The following SLC35E2B variants were observed in gnomAD, a reference collection of about 807,000 sequenced individuals.
SLC35E2B encodes solute carrier family 35, member E2B.
SLC35E2B carries 18 observed loss-of-function variants against 32.4 expected under a neutral mutation model. The ratio of observed to expected loss-of-function variants is 0.56; its 90% confidence interval spans 0.38 to 0.82. The LOEUF (loss-of-function observed/expected upper bound fraction) is 0.82, where lower values mean the gene tolerates loss of function less well. Among genes scored for constraint, SLC35E2B ranks in the 40% least tolerant of loss-of-function variants. The pLI is 0.00. For synonymous variants in SLC35E2B, 132 were observed against 209.1 expected (o/e 0.63, Z 3.18); for missense variants, 263 against 469.5 (o/e 0.56, Z 4.06).
intron 2 of SLC35E2B, among the ~76,000 whole-genome samples, chr1:1,688,309 G>C (rs1205261720): frequency 6.6e-6 from 1 of 152,046 alleles, no homozygotes; most frequent in African/African-American, 2.4e-5. Flanking sequence ...AAACTACTGA[G>C]TAAAAGCTTA....
chr1:1,664,912 G>C lies in SLC35E2B; in HGVS notation c.*870C>G. On this transcript the variant is annotated 3_prime_UTR_variant, in exon 10 of 10. Transcript: ENST00000617444. The stretch of plus-strand genomic sequence containing the variant: ...ACAGGCTCACCCCACGGGGACCTCA[G>C]AACAGCCTGCCTCATACTCAGAGTC... 5 of 945,862 alleles carry C rather than the reference G, an allele frequency of 5.3e-6. No individual in the cohort carries two copies. The highest frequency in any genetic ancestry group is 6.3e-6 in the Non-Finnish European group (5 of 796,226). The allele number at this position is 945,862 out of a possible 1,614,324, so 58.6% of individuals were successfully genotyped here. A position where few individuals can be genotyped will look rare whatever the true frequency, so the allele number is the denominator to read the frequency against.
intron 9 of SLC35E2B, among the ~76,000 whole-genome samples, chr1:1,666,500 A>G (rs1025116148): frequency 6.6e-6 from 1 of 152,180 alleles, no homozygotes. Context: ...AGCTGGGATC[A>G]TAGGCGTGAG....
chr1:1,682,079 C>G (rs1404238638), intron 2 of SLC35E2B, among the ~76,000 whole-genome samples: 1 of 139,198 alleles, frequency 7.2e-6, no homozygotes, highest in Non-Finnish European at 1.5e-5. Context: ...AGGTTGGTCT[C>G]AATCTCCTGA....
chr1:1,663,865 G>A lies in SLC35E2B; in HGVS notation c.*1917C>T, dbSNP rs1238085091. ...TCGCAGCGCAGTGAGCACACACCTGGCCTGTCCTCCACACACAGGTCAGCG... is the reference window on the plus strand; with the variant it reads ...TCGCAGCGCAGTGAGCACACACCTGACCTGTCCTCCACACACAGGTCAGCG... On this transcript the variant is annotated 3_prime_UTR_variant, in exon 10 of 10. Coordinates refer to ENST00000617444, the MANE Select transcript of SLC35E2B (RefSeq NM_001290264.2). 8 of 894,194 alleles carry A rather than the reference G, an allele frequency of 8.9e-6. No homozygotes were observed. In the Admixed American group the frequency reaches 3.9e-4, roughly 44 times the overall value. The allele number at this position is 894,194 out of a possible 1,614,324, so 55.4% of individuals were successfully genotyped here.
intron 2 of SLC35E2B, among the ~76,000 whole-genome samples, chr1:1,683,338 C>T (rs1056094031): frequency 2.6e-5 from 4 of 152,190 alleles, no homozygotes; most frequent in African/African-American, 4.8e-5. Flanking sequence ...GCCTGTGGGC[C>T]GTGCTTCTGA....
intron 2 of SLC35E2B, among the ~76,000 whole-genome samples, chr1:1,684,099 A>G (rs1387180367): frequency 2.0e-5 from 3 of 152,216 alleles, no homozygotes; most frequent in South Asian, 2.1e-4. Context: ...CGTGGGCCGC[A>G]GGGTAGACAC....
chr1:1,673,432 G>A (rs1316274426), intron 5 of SLC35E2B: 8 of 312,558 alleles, frequency 2.6e-5, no homozygotes, highest in South Asian at 1.3e-4. Context: ...CACTGTGGGA[G>A]GCTGAGGCGG....
intron 8 of SLC35E2B, among the ~76,000 whole-genome samples, chr1:1,669,211 G>A (rs1157437619): frequency 6.6e-6 from 1 of 151,502 alleles, no homozygotes; most frequent in East Asian, 1.9e-4. Context: ...TCTGTGTGGG[G>A]GACTCTAGGG....
Position 1,668,386 on chromosome 1 carries a change from G to C in SLC35E2B, c.921C>G (p.Phe307Leu), listed in dbSNP as rs745984328. The C allele has an allele frequency of 1.2e-6, 2 of 1,613,006 alleles. No homozygotes were observed. Among genetic ancestry groups the C allele is most frequent in the East Asian group, 2.2e-5 (1 of 44,846 alleles). ...VLLLLTDGVLFHLQSVTAYAL... is the reference protein window; with the variant it reads ...VLLLLTDGVLLHLQSVTAYAL... Reference sequence around the variant, plus strand: ...CGTACGCCGTGACGCTCTGAAGGTGGAACAGGACTCCGTCTGTCAGAAGCA... The same window carrying C: ...CGTACGCCGTGACGCTCTGAAGGTGCAACAGGACTCCGTCTGTCAGAAGCA... Residue 307 changes from phenylalanine to leucine, a missense_variant, in exon 9 of 10, where the codon TTC becomes TTG. Phe to Leu is a conservative substitution (Grantham distance 22). Transcript: ENST00000617444.
intron 2 of SLC35E2B, among the ~76,000 whole-genome samples, chr1:1,684,478 G>A (rs985244935): frequency 5.9e-5 from 9 of 152,110 alleles, no homozygotes; most frequent in South Asian, 2.1e-4. Context: ...ATAGGAGGCC[G>A]GGCGCGGGGG....
intron 8 of SLC35E2B, among the ~76,000 whole-genome samples, chr1:1,669,277 T>C (rs1643623191): frequency 6.6e-6 from 1 of 151,806 alleles, no homozygotes; most frequent in Admixed American, 6.6e-5. Flanking sequence ...GAGAATAACT[T>C]GAGCCTGGTA....
At position 1,663,259 on chromosome 1, in the gene SLC35E2B, G is replaced by T; in HGVS notation, c.*2523C>A. ...AATCCAAACAGGATGGCAGCTCCTT[G>T]TGAGGGTGGAGGGGAGGGCACCAGA... is the stretch of plus-strand genomic sequence containing the variant. On this transcript the variant is annotated 3_prime_UTR_variant, in exon 10 of 10. Coordinates refer to ENST00000617444, the MANE Select transcript of SLC35E2B (RefSeq NM_001290264.2). The T allele has an allele frequency of 1.0e-6, 1 of 980,174 alleles. No homozygotes were observed. Among genetic ancestry groups the T allele is most frequent in the African/African-American group, 1.7e-5 (1 of 57,144 alleles). 60.7% of individuals were successfully genotyped at this position (980,174 alleles called of 1,614,324 possible).
chr1:1,668,829 A>G (rs1643611225), intron 8 of SLC35E2B, among the ~76,000 whole-genome samples: 1 of 152,002 alleles, frequency 6.6e-6, no homozygotes, highest in Non-Finnish European at 1.5e-5. Context: ...CGTCTCTGCT[A>G]AAAACATAAA....
intron 2 of SLC35E2B, among the ~76,000 whole-genome samples, chr1:1,678,074 A>G (rs1273348386): frequency 1.3e-5 from 2 of 151,894 alleles, no homozygotes; most frequent in Admixed American, 6.6e-5. Flanking sequence ...AGGGGCGCCC[A>G]TCCTGTCTCA....
intron 2 of SLC35E2B, among the ~76,000 whole-genome samples, chr1:1,681,900 G>C (rs935244785): frequency 4.0e-5 from 6 of 148,570 alleles, no homozygotes; most frequent in South Asian, 4.3e-4. Flanking sequence ...CAGGAGAACG[G>C]TGTGAACCCG....
At chr1:1,688,482 C>T (rs1401186623) in intron 2 of SLC35E2B, among the ~76,000 whole-genome samples, 1 of 151,676 alleles carries the variant, frequency 6.6e-6, no homozygotes, top group Non-Finnish European at 1.5e-5. Context: ...TGCCTGTAAT[C>T]CCAGCTACTC....
chr1:1,666,314 T>A (rs1253852460), intron 9 of SLC35E2B, among the ~76,000 whole-genome samples: 1 of 152,146 alleles, frequency 6.6e-6, no homozygotes, highest in Non-Finnish European at 1.5e-5. Flanking sequence ...CTTTTCATTA[T>A]TAAAAAAGGC....
At chr1:1,687,436 C>G (rs1026895267) in intron 2 of SLC35E2B, among the ~76,000 whole-genome samples, 2 of 151,574 alleles carry the variant, frequency 1.3e-5, no homozygotes, top group Non-Finnish European at 1.5e-5. Context: ...AAATTAGTCT[C>G]TACTAAAAAA....
chr1:1,669,006 A>T (rs1431110430), intron 8 of SLC35E2B, among the ~76,000 whole-genome samples: 8 of 151,758 alleles, frequency 5.3e-5, no homozygotes, highest in Admixed American at 5.3e-4. Context: ...AAAAAAAAAA[A>T]AATTAAATAT....
Sources: gnomAD v4.1 joint callset for allele counts (sites outside exome capture counted in the v4.1 genomes callset) on GRCh38, gnomAD v4.1.1 for gene constraint, MANE v1.5 for transcripts, NCBI Gene and HGNC (gene_info 2026-07-23, HGNC 2026-07-21) for gene names.